Variants in RAB31 observed in about 807,000 individuals in gnomAD.
RAB31 encodes RAB31, member RAS oncogene family.
RAB31 carries 21 observed loss-of-function variants against 25.6 expected under a neutral mutation model. The ratio of observed to expected loss-of-function variants is 0.82; its 90% confidence interval spans 0.58 to 1.18. The LOEUF (loss-of-function observed/expected upper bound fraction) is 1.18, where lower values mean the gene tolerates loss of function less well. RAB31 is among the 50% of genes most tolerant of loss of function. The pLI, the probability that RAB31 is intolerant of heterozygous loss-of-function variation, is 0.00. For synonymous variants in RAB31, 87 were observed against 84.0 expected (o/e 1.04, Z -0.20); for missense variants, 196 against 250.1 (o/e 0.78, Z 1.46).
intron 5 of RAB31, among the ~76,000 whole-genome samples, chr18:9,835,741 T>C (rs1443093792): frequency 1.3e-5 from 2 of 152,204 alleles, no homozygotes; most frequent in Non-Finnish European, 1.5e-5. Context: ...TTCAAAGAAG[T>C]TTATTTTCGT....
At chr18:9,837,269 A>G in intron 5 of RAB31, among the ~76,000 whole-genome samples, 1 of 152,236 alleles carries the variant, frequency 6.6e-6, no homozygotes, top group East Asian at 1.9e-4. Flanking sequence ...AAAAGAGGTA[A>G]TTCAGTAAAT....
chr18:9,804,675 CTTTG>C (rs766361749), intron 3 of RAB31, among the ~76,000 whole-genome samples: 17 of 152,266 alleles, frequency 1.1e-4, no homozygotes, highest in Middle Eastern at 3.4e-3. Flanking sequence ...AGCAAATAGA[CTTTG>C]TTTGGTAACA....
chr18:9,850,483 C>A (rs1401458401), intron 6 of RAB31, among the ~76,000 whole-genome samples: 4 of 152,032 alleles, frequency 2.6e-5, no homozygotes, highest in Non-Finnish European at 5.9e-5. Context: ...TTAACTTTTC[C>A]TGAGGGCAAA....
At chr18:9,854,975 G>T (rs1291197470) in intron 6 of RAB31, among the ~76,000 whole-genome samples, 2 of 152,178 alleles carry the variant, frequency 1.3e-5, no homozygotes, top group South Asian at 4.1e-4. Flanking sequence ...GTAAATACTG[G>T]AACTGGAATG....
chr18:9,719,242 C>G (rs1223454461), intron 1 of RAB31, among the ~76,000 whole-genome samples: 1 of 121,468 alleles, frequency 8.2e-6, no homozygotes, highest in Non-Finnish European at 1.6e-5. Context: ...TGTACTCCAG[C>G]CCGGGTGACA....
In RAB31 at chr18:9,844,400, A is replaced by G. The variant is rs1310615735; in HGVS notation, c.381-1182A>G. ...TCTGGGCCTCTGCTCAGGCTGTCCC[A>G]TCCCAGAGTCTGACCTGCATTTGCC... On this transcript the variant is annotated intron_variant, in intron 5 of 6. Transcript: ENST00000578921. Among the ~76,000 whole-genome samples, 6 of 152,340 alleles carry G rather than the reference A, an allele frequency of 3.9e-5. No individual in the cohort carries two copies. The East Asian group carries it at 7.7e-4, about 20-fold the overall frequency.
intron 5 of RAB31, among the ~76,000 whole-genome samples, chr18:9,826,776 C>T (rs568211145): frequency 1.3e-5 from 2 of 152,314 alleles, no homozygotes; most frequent in Admixed American, 6.5e-5. Flanking sequence ...TTAAGGGTAC[C>T]TGGCTTTGGG....
At chr18:9,715,742 G>A (rs758035727) in intron 1 of RAB31, among the ~76,000 whole-genome samples, 26 of 151,944 alleles carry the variant, frequency 1.7e-4, no homozygotes, top group Non-Finnish European at 3.4e-4. Flanking sequence ...CACGTTGGCC[G>A]GCTGGTCTCG....
chr18:9,727,611 C>T (rs150902598), intron 1 of RAB31, among the ~76,000 whole-genome samples: 4 of 152,250 alleles, frequency 2.6e-5, no homozygotes, highest in African/African-American at 9.6e-5. Flanking sequence ...CCACTGTGTC[C>T]GGCCTGAGAA....
intron 1 of RAB31, among the ~76,000 whole-genome samples, chr18:9,754,737 A>G (rs1427498838): frequency 1.3e-5 from 2 of 152,228 alleles, no homozygotes; most frequent in Non-Finnish European, 2.9e-5. Flanking sequence ...ATTTTATATC[A>G]GGACTTGAAC....
Position 9,772,308 on chromosome 18 carries a change from G to T in RAB31, c.40-2970G>T, listed in dbSNP as rs543596943. On this transcript the variant is annotated intron_variant, in intron 1 of 6. Coordinates refer to ENST00000578921, the MANE Select transcript of RAB31 (RefSeq NM_006868.4). ...GCAGCCTAAGGAGGAAGGCCCCGGG[G>T]CACACAGAAACCAGGCGAGGTTTGT... Among the ~76,000 whole-genome samples, 3 of 152,268 alleles carry T rather than the reference G, an allele frequency of 2.0e-5. No homozygotes were observed. In the South Asian group the frequency reaches 6.2e-4, roughly 32 times the overall value.
At chr18:9,809,463 T>C (rs1425518731) in intron 3 of RAB31, among the ~76,000 whole-genome samples, 1 of 152,206 alleles carries the variant, frequency 6.6e-6, no homozygotes, top group African/African-American at 2.4e-5. Flanking sequence ...GAGCCTTTAA[T>C]GCACTAATTA....
chr18:9,850,294 A>T (rs545440136), intron 6 of RAB31, among the ~76,000 whole-genome samples: 2 of 152,066 alleles, frequency 1.3e-5, no homozygotes, highest in South Asian at 2.1e-4. Flanking sequence ...GATTATTATT[A>T]TTTTTTTATT....
At chr18:9,720,152 T>C (rs2068067088) in intron 1 of RAB31, among the ~76,000 whole-genome samples, 1 of 152,114 alleles carries the variant, frequency 6.6e-6, no homozygotes, top group Non-Finnish European at 1.5e-5. Context: ...TTAGTAGAGA[T>C]GGGGTTTCGC....
At chr18:9,839,140 T>C (rs1037716690) in intron 5 of RAB31, among the ~76,000 whole-genome samples, 6 of 152,056 alleles carry the variant, frequency 3.9e-5, no homozygotes, top group Non-Finnish European at 7.4e-5. Context: ...GGTATGACGA[T>C]AGGAGTATGA....
chr18:9,760,057 G>T (rs530794814), intron 1 of RAB31, among the ~76,000 whole-genome samples: 1 of 152,140 alleles, frequency 6.6e-6, no homozygotes, highest in East Asian at 1.9e-4. Context: ...TTTTGAAAAA[G>T]ATTATTTTAA....
chr18:9,715,589 G>T (rs2145454178), intron 1 of RAB31, among the ~76,000 whole-genome samples: 1 of 149,738 alleles, frequency 6.7e-6, no homozygotes, highest in Non-Finnish European at 1.5e-5. Flanking sequence ...GGGTGCAGTG[G>T]CACAATCTCG....
chr18:9,738,637 C>T (rs940205305), intron 1 of RAB31, among the ~76,000 whole-genome samples: 9 of 152,206 alleles, frequency 5.9e-5, no homozygotes, highest in African/African-American at 2.2e-4. Context: ...GTCTCTTCAT[C>T]TGCATCCTGT....
intron 1 of RAB31, among the ~76,000 whole-genome samples, chr18:9,771,337 A>C (rs1267192143): frequency 1.3e-5 from 2 of 152,110 alleles, no homozygotes; most frequent in Non-Finnish European, 2.9e-5. Flanking sequence ...AAACGAGGGG[A>C]CTGGACAAGA....
Sources: gnomAD v4.1 joint callset for allele counts (sites outside exome capture counted in the v4.1 genomes callset) on GRCh38, gnomAD v4.1.1 for gene constraint, MANE v1.5 for transcripts, NCBI Gene and HGNC (gene_info 2026-07-23, HGNC 2026-07-21) for gene names.